The following NRG3 variants were observed in gnomAD, a reference collection of about 807,000 sequenced individuals.
NRG3 encodes the protein pro-neuregulin-3, membrane-bound isoform.
NRG3 carries 31 observed loss-of-function variants against 66.9 expected under a neutral mutation model. That is an observed-to-expected ratio of 0.46 (90% CI 0.35 to 0.63). The LOEUF is 0.63. Among genes scored for constraint, NRG3 ranks in the 20% least tolerant of loss-of-function variants. NRG3 has a pLI of 0.00. For missense variants in NRG3, 910 were observed against 878.9 expected (o/e 1.04, Z -0.45); for synonymous variants, 393 against 359.4 (o/e 1.09, Z -1.06).
intron 1 of NRG3, among the ~76,000 whole-genome samples, chr10:81,952,083 G>C (rs1320155910): frequency 6.6e-6 from 1 of 151,880 alleles, no homozygotes; most frequent in Non-Finnish European, 1.5e-5. Context: ...ACACACCGGG[G>C]CCTGTTGTGG....
chr10:82,306,033 A>G (rs1038542723), intron 1 of NRG3, among the ~76,000 whole-genome samples: 1 of 152,158 alleles, frequency 6.6e-6, no homozygotes, highest in African/African-American at 2.4e-5. Context: ...TGTTTTATTG[A>G]TTTTTTAAAA....
chr10:82,511,971 G>A (rs1845217400), intron 2 of NRG3, among the ~76,000 whole-genome samples: 1 of 151,926 alleles, frequency 6.6e-6, no homozygotes, highest in Non-Finnish European at 1.5e-5. Flanking sequence ...TGTTCTTTTT[G>A]TTATTTATTG....
chr10:82,544,007 A>C (rs1271748128), intron 2 of NRG3, among the ~76,000 whole-genome samples: 1 of 152,158 alleles, frequency 6.6e-6, no homozygotes, highest in Non-Finnish European at 1.5e-5. Context: ...TTTAATAATG[A>C]GAGTTTTTGC....
chr10:82,340,713 C>T (rs2135386497), intron 1 of NRG3: 1 of 152,238 alleles, frequency 6.6e-6, no homozygotes, highest in East Asian at 1.9e-4. Flanking sequence ...TCACCTACCT[C>T]CCCCCAATAT....
At chr10:82,180,570 C>T (rs990633935) in intron 1 of NRG3, among the ~76,000 whole-genome samples, 7 of 151,698 alleles carry the variant, frequency 4.6e-5, no homozygotes, top group African/African-American at 1.7e-4. Flanking sequence ...TTGAACTATC[C>T]TTTCATCATA....
chr10:82,587,651 T>C (rs1245574446), intron 2 of NRG3, among the ~76,000 whole-genome samples: 2 of 152,278 alleles, frequency 1.3e-5, no homozygotes, highest in East Asian at 3.9e-4. Context: ...ACAACTAGCT[T>C]CTGTGTGTTG....
intron 1 of NRG3, among the ~76,000 whole-genome samples, chr10:81,985,829 A>G (rs753174677): frequency 2.0e-5 from 3 of 152,254 alleles, no homozygotes; most frequent in African/African-American, 4.8e-5. Flanking sequence ...CCTTTGATAA[A>G]GGAAAATAAC....
intron 1 of NRG3, among the ~76,000 whole-genome samples, chr10:81,892,314 T>C (rs1447325460): frequency 6.6e-6 from 1 of 151,926 alleles, no homozygotes; most frequent in Admixed American, 6.6e-5. Context: ...AAAATATATA[T>C]ATACATATTC....
chr10:82,164,511 G>A (rs948188212), intron 1 of NRG3, among the ~76,000 whole-genome samples: 1 of 151,810 alleles, frequency 6.6e-6, no homozygotes, highest in Non-Finnish European at 1.5e-5. Context: ...ACTCTCACTC[G>A]AACCACTGCC....
chr10:81,973,882 C>A (rs1334968154), intron 1 of NRG3, among the ~76,000 whole-genome samples: 1 of 152,056 alleles, frequency 6.6e-6, no homozygotes, highest in Non-Finnish European at 1.5e-5. Context: ...TTGATAGTTT[C>A]TTTTGCTGTG....
At chr10:82,812,290 C>A (rs1428692996) in intron 3 of NRG3, among the ~76,000 whole-genome samples, 1 of 152,112 alleles carries the variant, frequency 6.6e-6, no homozygotes, top group Admixed American at 6.5e-5. Context: ...GGTCAAAATG[C>A]TGAAAATTAA....
intron 1 of NRG3, among the ~76,000 whole-genome samples, chr10:82,127,303 C>T (rs568529215): frequency 6.6e-6 from 1 of 152,200 alleles, no homozygotes; most frequent in East Asian, 1.9e-4. Flanking sequence ...TAGTTCTCTC[C>T]TGAAGGTAAA....
chr10:82,813,877 A>G (rs1013434914), intron 3 of NRG3, among the ~76,000 whole-genome samples: 1 of 152,142 alleles, frequency 6.6e-6, no homozygotes, highest in Non-Finnish European at 1.5e-5. Context: ...TGTCTGAAGC[A>G]TGACTTGGAA....
intron 1 of NRG3, among the ~76,000 whole-genome samples, chr10:81,893,511 T>A (rs1301238321): frequency 1.3e-5 from 2 of 152,128 alleles, no homozygotes; most frequent in Non-Finnish European, 2.9e-5. Flanking sequence ...TAAATTCACA[T>A]CCAGGATGAC....
At chr10:82,733,188 C>A (rs2058002343) in intron 2 of NRG3, among the ~76,000 whole-genome samples, 1 of 152,112 alleles carries the variant, frequency 6.6e-6, no homozygotes, top group Non-Finnish European at 1.5e-5. Flanking sequence ...ATAAAGAGAC[C>A]AGGCACTATG....
intron 2 of NRG3, among the ~76,000 whole-genome samples, chr10:82,429,201 G>A (rs991568538): frequency 3.3e-5 from 5 of 151,926 alleles, no homozygotes; most frequent in African/African-American, 1.2e-4. Flanking sequence ...CTTATTGCTT[G>A]ATACAGTTGT....
chr10:82,098,253 T>A (rs1208500041), intron 1 of NRG3, among the ~76,000 whole-genome samples: 1 of 151,446 alleles, frequency 6.6e-6, no homozygotes, highest in African/African-American at 2.4e-5. Context: ...TCTATATATA[T>A]ATGTCATATA....
At chr10:82,227,333 G>A (rs773834571) in intron 1 of NRG3, among the ~76,000 whole-genome samples, 2 of 151,976 alleles carry the variant, frequency 1.3e-5, no homozygotes, top group African/African-American at 2.4e-5. Context: ...CTCATTGCAG[G>A]AATACTTACT....
chr10:82,759,414 T>A (rs111350559), intron 3 of NRG3, among the ~76,000 whole-genome samples: 4 of 152,250 alleles, frequency 2.6e-5, no homozygotes, highest in African/African-American at 9.6e-5. Flanking sequence ...CAAATAAACC[T>A]CTTTTCTTTG....
Sources: gnomAD v4.1 joint callset for allele counts (sites outside exome capture counted in the v4.1 genomes callset) on GRCh38, gnomAD v4.1.1 for gene constraint, MANE v1.5 for transcripts, NCBI Gene and HGNC (gene_info 2026-07-23, HGNC 2026-07-21) for gene names.